RAD51B: variants seen among roughly 807,000 people sequenced by gnomAD.
RAD51B encodes DNA repair protein RAD51 homolog 2.
A neutral mutation model predicts 42.2 loss-of-function variants in RAD51B; 38 were observed. The ratio of observed to expected loss-of-function variants is 0.90; its 90% CI spans 0.70 to 1.18. The LOEUF is 1.18. RAD51B is among the 50% of genes most tolerant of loss of function. The pLI is 0.00. For synonymous variants in RAD51B, 154 were observed against 145.2 expected, an observed-to-expected ratio of 1.06 and a Z score of -0.43; for missense variants, 373 against 400.7, an observed-to-expected ratio of 0.93 and a Z score of 0.59.
chr14:68,517,210 AAAAGAAAGGG>A (rs1048797382), intron 10 of RAD51B, among the ~76,000 whole-genome samples: 2 of 90,432 alleles, frequency 2.2e-5, no homozygotes, highest in African/African-American at 4.3e-5. Flanking sequence ...TCACACAAAG[AAAAGAAAGGG>A]AAGGGAAGGG....
chr14:68,159,359 C>T (rs984781869), intron 7 of RAD51B, among the ~76,000 whole-genome samples: 9 of 152,042 alleles, frequency 5.9e-5, no homozygotes, highest in African/African-American at 1.7e-4. Flanking sequence ...CGGTGGCTCA[C>T]GCCTGTAATC....
chr14:68,012,894 A>G (rs2075708666), intron 7 of RAD51B, among the ~76,000 whole-genome samples: 1 of 152,180 alleles, frequency 6.6e-6, no homozygotes, highest in African/African-American at 2.4e-5. Flanking sequence ...AGTCTTTTAA[A>G]AATCTTTTTG....
At chr14:68,368,853 G>C (rs1371061307) in intron 8 of RAD51B, among the ~76,000 whole-genome samples, 1 of 152,236 alleles carries the variant, frequency 6.6e-6, no homozygotes, top group Non-Finnish European at 1.5e-5. Flanking sequence ...AATTGGGAGG[G>C]AAAATGAAGT....
At chr14:68,080,722 C>T (rs1254453539) in intron 7 of RAD51B, among the ~76,000 whole-genome samples, 1 of 152,186 alleles carries the variant, frequency 6.6e-6, no homozygotes, top group African/African-American at 2.4e-5. Flanking sequence ...TCTACTTTCT[C>T]ATCTGAAAAA....
chr14:68,374,751 G>A (rs904298206), intron 8 of RAD51B, among the ~76,000 whole-genome samples: 3 of 148,886 alleles, frequency 2.0e-5, no homozygotes, highest in Admixed American at 6.8e-5. Flanking sequence ...TACCCTAACA[G>A]TATCTAGTAT....
In RAD51B at chr14:68,036,834, A is replaced by G. The variant is rs1202080633; in HGVS notation, c.756+149630A>G. Reference sequence around the variant, plus strand: ...AATTCATCAATCTATATTGCTATAAAGTTTTTTAAAAACTAACAACTTGTT... The same window carrying G: ...AATTCATCAATCTATATTGCTATAAGGTTTTTTAAAAACTAACAACTTGTT... On this transcript the variant is annotated intron_variant, in intron 7 of 10. Transcript: ENST00000471583. Among the ~76,000 whole-genome samples the G allele has an allele frequency of 5.9e-5, 9 of 152,280 alleles. No homozygotes were observed. The East Asian group carries it at 1.5e-3, about 26-fold the overall frequency.
chr14:68,551,009 AG>A (rs749938613), intron 10 of RAD51B, among the ~76,000 whole-genome samples: 4 of 152,274 alleles, frequency 2.6e-5, no homozygotes, highest in Admixed American at 6.5e-5. Context: ...GGGGTACAAA[AG>A]TTTCAAATTA....
At chr14:68,611,404 C>T in exon 11 of RAD51B, 1 of 615,476 alleles carries the variant, frequency 1.6e-6, no homozygotes, top group Non-Finnish European at 2.9e-6. Context: ...AGTTCTTCTT[C>T]TCTACATCTT....
At chr14:68,450,629 A>G (rs2085536947) in intron 9 of RAD51B, among the ~76,000 whole-genome samples, 1 of 152,144 alleles carries the variant, frequency 6.6e-6, no homozygotes, top group Non-Finnish European at 1.5e-5. Flanking sequence ...AGTTCCTCAC[A>G]TAGTTTTTCT....
At chr14:68,289,810 T>G (rs866205258) in intron 7 of RAD51B, among the ~76,000 whole-genome samples, 15 of 152,342 alleles carry the variant, frequency 9.8e-5, no homozygotes, top group Middle Eastern at 3.4e-3. Flanking sequence ...TCCAGCCACT[T>G]TAATTGAAGA....
At chr14:68,144,431 C>T (rs1020715769) in intron 7 of RAD51B, among the ~76,000 whole-genome samples, 1 of 152,224 alleles carries the variant, frequency 6.6e-6, no homozygotes, top group African/African-American at 2.4e-5. Context: ...ACACCATGTA[C>T]TATGAAGGTT....
At chr14:68,629,894 A>C (rs1380946411) in intron 10 of RAD51B, among the ~76,000 whole-genome samples, 1 of 152,256 alleles carries the variant, frequency 6.6e-6, no homozygotes. Flanking sequence ...AACTTTGCAA[A>C]TGAAGGAACT....
intron 9 of RAD51B, among the ~76,000 whole-genome samples, chr14:68,423,719 T>G (rs914007921): frequency 6.6e-6 from 1 of 152,216 alleles, no homozygotes; most frequent in African/African-American, 2.4e-5. Flanking sequence ...TTTCAACCCC[T>G]GTGGTGTGGT....
At chr14:68,301,837 T>G (rs188151207) in intron 8 of RAD51B, among the ~76,000 whole-genome samples, 4 of 152,314 alleles carry the variant, frequency 2.6e-5, no homozygotes, top group African/African-American at 4.8e-5. Context: ...CCTCAAGTGA[T>G]CCACCTGCCT....
chr14:68,521,831 A>G (rs1180820989), intron 10 of RAD51B, among the ~76,000 whole-genome samples: 2 of 152,250 alleles, frequency 1.3e-5, no homozygotes, highest in African/African-American at 2.4e-5. Flanking sequence ...TGACAATTAC[A>G]GTAGCTAACA....
intron 7 of RAD51B, among the ~76,000 whole-genome samples, chr14:67,988,192 C>G (rs10130829): frequency 0.28 from 43,080 of 151,956 alleles, 8,184 homozygotes; most frequent in African/African-American, 0.54. Context: ...TAGGTGCGGT[C>G]GTTCACGCCT....
chr14:68,591,322 T>A (rs564695379), intron 10 of RAD51B, among the ~76,000 whole-genome samples: 1 of 152,218 alleles, frequency 6.6e-6, no homozygotes, highest in Admixed American at 6.5e-5. Context: ...CTGGATGCGC[T>A]GAACAACAGC....
chr14:67,884,956 A>G (rs2043019772), intron 5 of RAD51B, among the ~76,000 whole-genome samples: 1 of 152,210 alleles, frequency 6.6e-6, no homozygotes, highest in Admixed American at 6.5e-5. Context: ...CTAACTATTT[A>G]GAAATGAAAA....
At chr14:68,204,435 A>G (rs1250681507) in intron 7 of RAD51B, among the ~76,000 whole-genome samples, 1 of 152,230 alleles carries the variant, frequency 6.6e-6, no homozygotes, top group East Asian at 1.9e-4. Context: ...AACATCAAAG[A>G]TCACTGATCA....
Sources: allele counts gnomAD v4.1 joint callset (sites outside exome capture counted in the v4.1 genomes callset), GRCh38; gene constraint gnomAD v4.1.1; transcripts MANE v1.5; gene names NCBI Gene and HGNC (gene_info 2026-07-23, HGNC 2026-07-21).